KIAA1549L: variants seen among roughly 807,000 people sequenced by gnomAD.
KIAA1549L encodes KIAA1549 like, also known as UPF0606 protein KIAA1549L.
Under a neutral mutation model 160.7 loss-of-function variants are expected in KIAA1549L, and 88 were observed. The ratio of observed to expected loss-of-function variants is 0.55; its 90% CI spans 0.46 to 0.65. KIAA1549L has a LOEUF of 0.65. Ranked by LOEUF, KIAA1549L falls within the 30% of genes least tolerant of loss-of-function variation. The probability of loss-of-function intolerance (pLI) is 0.00; values close to 1 mark genes in which losing one functional copy is unlikely to be tolerated. For missense variants in KIAA1549L, 2,258 were observed against 2,437.5 expected (o/e 0.93, Z 1.55); for synonymous variants, 950 against 976.7 (o/e 0.97, Z 0.51).
intron 1 of KIAA1549L, among the ~76,000 whole-genome samples, chr11:33,472,050 T>C (rs561649371): frequency 1.3e-5 from 2 of 152,332 alleles, no homozygotes; most frequent in South Asian, 4.1e-4. Context: ...AAGTGGCTTC[T>C]TAAACTTTAT....
chr11:33,559,801 G>A lies in KIAA1549L; in HGVS notation c.3908G>A (p.Gly1303Asp). 6.2e-7 allele frequency: 1 copy of A among 1,613,962 alleles called. No individual in the cohort carries two copies. Among genetic ancestry groups the A allele is most frequent in the Non-Finnish European group, 8.5e-7 (1 of 1,179,858 alleles). ...GCAGTCACCTTGGTGTACGTCGTGG[G>A]CAATCAGAGCACATTCCTCAACGGC... ...SQAVTLVYVVGNQSTFLNGTV... is the reference protein window; with the variant it reads ...SQAVTLVYVVDNQSTFLNGTV... The change falls in exon 7 of 21, where the codon GGC becomes GAC. Residue 1303 changes from glycine to aspartate, a missense_variant. Coordinates refer to ENST00000658780, the MANE Select transcript of KIAA1549L (RefSeq NM_012194.3).
intron 5 of KIAA1549L, among the ~76,000 whole-genome samples, chr11:33,551,787 A>G (rs1453914603): frequency 6.6e-6 from 1 of 152,230 alleles, no homozygotes; most frequent in Non-Finnish European, 1.5e-5. Context: ...TTCCCTCCAA[A>G]GAAATAGAAG....
At chr11:33,572,441 T>C (rs534537132) in intron 9 of KIAA1549L, among the ~76,000 whole-genome samples, 2 of 152,348 alleles carry the variant, frequency 1.3e-5, no homozygotes, top group South Asian at 4.1e-4. Context: ...TATATTTGAT[T>C]ACATATATCA....
chr11:33,551,616 C>T (rs1315507900), intron 5 of KIAA1549L, among the ~76,000 whole-genome samples: 1 of 151,748 alleles, frequency 6.6e-6, no homozygotes, highest in African/African-American at 2.4e-5. Context: ...TAATGGATTC[C>T]AGATACCACT....
chr11:33,660,856 A>G lies in KIAA1549L; in HGVS notation c.6008-7A>G, dbSNP rs1202274804. ...TTAACCTCCCTCCTCCATTTCCTCC[A>G]TGCCAGGTAATACGGTGCCAGCAGT... On this transcript the variant is annotated splice_polypyrimidine_tract_variant and splice_region_variant and intron_variant, in intron 19 of 20. Transcript: ENST00000658780. The G allele has an allele frequency of 6.2e-7, 1 of 1,613,416 alleles. No homozygotes were observed. The highest frequency in any genetic ancestry group is 1.7e-5 in the Admixed American group (1 of 59,978).
rs1424342095 is a variant in KIAA1549L at position 33,541,973 on chromosome 11, C to T, written c.410C>T (p.Ser137Leu). The part of the protein sequence containing the change: ...QSSDNTSLPQ[S>L]ARTPASKTHH... ...TCTGACAACACAAGCTTGCCACAGT[C>T]AGCCCGAACCCCTGCGTCCAAGACA... The change falls in exon 2 of 21, where the codon TCA becomes TTA. Residue 137 changes from serine to leucine, a missense_variant. Physicochemically the swap from Ser to Leu is moderately radical, Grantham distance 145. Coordinates refer to ENST00000658780, the MANE Select transcript of KIAA1549L (RefSeq NM_012194.3). 1 of 397,160 alleles carries T rather than the reference C, an allele frequency of 2.5e-6. No homozygotes were observed. Among genetic ancestry groups the T allele is most frequent in the African/African-American group, 2.0e-5 (1 of 48,946 alleles). 24.6% of individuals were successfully genotyped at this position (397,160 alleles called of 1,614,324 possible).
At chr11:33,528,025 C>T (rs530271300) in intron 1 of KIAA1549L, among the ~76,000 whole-genome samples, 1 of 152,294 alleles carries the variant, frequency 6.6e-6, no homozygotes, top group East Asian at 1.9e-4. Context: ...AGTTCCCCTA[C>T]ACAAGCTCTC....
chr11:33,665,965 A>G (rs1296818621), intron 20 of KIAA1549L, among the ~76,000 whole-genome samples: 3 of 151,860 alleles, frequency 2.0e-5, no homozygotes, highest in Admixed American at 2.0e-4. Context: ...AGACCTGCCA[A>G]CTCTGAAGGG....
intron 1 of KIAA1549L, among the ~76,000 whole-genome samples, chr11:33,408,324 G>A (rs1395048922): frequency 6.6e-6 from 1 of 151,924 alleles, no homozygotes; most frequent in Non-Finnish European, 1.5e-5. Flanking sequence ...AGGGGACTTC[G>A]TCACATAGCA....
chr11:33,558,761 G>A (rs1262083943), intron 6 of KIAA1549L, among the ~76,000 whole-genome samples: 1 of 151,998 alleles, frequency 6.6e-6, no homozygotes, highest in African/African-American at 2.4e-5. Flanking sequence ...CACATTCAAT[G>A]TTGAATTAAT....
intron 16 of KIAA1549L, among the ~76,000 whole-genome samples, chr11:33,632,519 TG>T (rs1057233292): frequency 6.6e-6 from 1 of 152,138 alleles, no homozygotes. Flanking sequence ...GAGAAGGAGA[TG>T]GATGCTGAGG....
chr11:33,450,602 G>A (rs1030188083), intron 1 of KIAA1549L: 1 of 148,696 alleles, frequency 6.7e-6, no homozygotes, highest in African/African-American at 2.5e-5. Context: ...AAAGAAAACT[G>A]CTCTGGAGTC....
intron 1 of KIAA1549L, among the ~76,000 whole-genome samples, chr11:33,532,789 C>A (rs2133153443): frequency 6.6e-6 from 1 of 152,258 alleles, no homozygotes; most frequent in Non-Finnish European, 1.5e-5. Flanking sequence ...TTAAGGAAAC[C>A]TGCCAGTGGG....
intron 12 of KIAA1549L, among the ~76,000 whole-genome samples, chr11:33,598,047 G>T (rs1005712435): frequency 2.6e-5 from 4 of 152,150 alleles, no homozygotes; most frequent in African/African-American, 9.7e-5. Flanking sequence ...GGGGCATGGG[G>T]TGCTATCTTA....
At chr11:33,477,301 A>G (rs1852307866) in intron 1 of KIAA1549L, among the ~76,000 whole-genome samples, 1 of 152,174 alleles carries the variant, frequency 6.6e-6, no homozygotes, top group African/African-American at 2.4e-5. Flanking sequence ...TGGGGAGCTG[A>G]GAAGTCTGTC....
intron 1 of KIAA1549L, among the ~76,000 whole-genome samples, chr11:33,495,271 C>T (rs1328650786): frequency 2.6e-5 from 4 of 151,262 alleles, no homozygotes; most frequent in Admixed American, 1.3e-4. Context: ...TGCTATCCCT[C>T]CCCCATCCCC....
At chr11:33,482,764 T>A (rs2133051123) in intron 1 of KIAA1549L, among the ~76,000 whole-genome samples, 1 of 152,066 alleles carries the variant, frequency 6.6e-6, no homozygotes, top group Non-Finnish European at 1.5e-5. Context: ...GAGATGGGGT[T>A]TCATCATGTT....
intron 1 of KIAA1549L, among the ~76,000 whole-genome samples, chr11:33,378,240 A>G (rs748457840): frequency 2.6e-5 from 4 of 152,110 alleles, no homozygotes; most frequent in African/African-American, 4.8e-5. Flanking sequence ...TGCTTATGAG[A>G]TGTTTGCTTT....
chr11:33,448,410 C>T (rs1308846158), intron 1 of KIAA1549L, among the ~76,000 whole-genome samples: 1 of 152,084 alleles, frequency 6.6e-6, no homozygotes, highest in Non-Finnish European at 1.5e-5. Flanking sequence ...TTCCTTGCTG[C>T]AGTGGCAAGA....
Sources: gnomAD v4.1 joint callset for allele counts (sites outside exome capture counted in the v4.1 genomes callset) on GRCh38, gnomAD v4.1.1 for gene constraint, MANE v1.5 for transcripts, NCBI Gene and HGNC (gene_info 2026-07-23, HGNC 2026-07-21) for gene names.